The following ESR1 variants were observed in gnomAD, a reference collection of about 807,000 sequenced individuals.
ESR1 encodes estrogen receptor.
A neutral mutation model predicts 52.7 loss-of-function variants in ESR1; 12 were observed. That is an observed-to-expected ratio of 0.23 (90% CI 0.15 to 0.37). The LOEUF is 0.37. Ranked by LOEUF, ESR1 falls within the 10% of genes least tolerant of loss-of-function variation. The probability of loss-of-function intolerance (pLI) is 1.00; values close to 1 mark genes in which losing one functional copy is unlikely to be tolerated. For missense variants in ESR1, 584 were observed against 779.7 expected (o/e 0.75, Z 2.99); for synonymous variants, 305 against 316.8 (o/e 0.96, Z 0.39).
intron 2 of ESR1, among the ~76,000 whole-genome samples, chr6:151,765,368 ATTAAT>A (rs762988330): frequency 2.6e-5 from 4 of 152,244 alleles, no homozygotes; most frequent in Non-Finnish European, 4.4e-5. Context: ...AATCAATGAA[ATTAAT>A]TAAAATGAAA....
intron 1 of ESR1, among the ~76,000 whole-genome samples, chr6:151,701,402 G>A (rs561761385): frequency 7.9e-5 from 12 of 151,666 alleles, no homozygotes; most frequent in Admixed American, 2.0e-4. Context: ...GGTGGTGTGC[G>A]CCTGTAGTCC....
intron 1 of ESR1, among the ~76,000 whole-genome samples, chr6:151,666,166 T>C (rs1054768344): frequency 3.9e-5 from 6 of 152,180 alleles, no homozygotes; most frequent in Non-Finnish European, 5.9e-5. Context: ...AAAAGCTACA[T>C]TGGAAAAATT....
chr6:151,902,397 G>A (rs4870059), intron 3 of ESR1, among the ~76,000 whole-genome samples: 151,032 of 152,318 alleles, frequency 0.99, 74,885 homozygotes, highest in Middle Eastern at 1. Flanking sequence ...TCCTAGATCT[G>A]TTTCTCTCTC....
chr6:151,696,336 G>T (rs1285379552), intron 1 of ESR1, among the ~76,000 whole-genome samples: 3 of 152,082 alleles, frequency 2.0e-5, no homozygotes, highest in African/African-American at 7.2e-5. Flanking sequence ...GCCGGACATG[G>T]TGGTGCATGC....
intron 6 of ESR1, among the ~76,000 whole-genome samples, chr6:152,080,737 G>A (rs1428710627): frequency 6.6e-6 from 1 of 152,076 alleles, no homozygotes; most frequent in Non-Finnish European, 1.5e-5. Flanking sequence ...AGACTGTGCT[G>A]TATTCAGGAG....
In ESR1 at chr6:151,807,896, G is replaced by T; in HGVS notation, c.-17G>T. On this transcript the variant is annotated 5_prime_UTR_variant, in exon 1 of 8. Coordinates refer to ENST00000206249, the MANE Select transcript of ESR1 (RefSeq NM_000125.4). The stretch of plus-strand genomic sequence containing the variant: ...CCTGCGGGGACACGGTCTGCACCCT[G>T]CCCGCGGCCACGGACCATGACCATG... 1 of 1,611,298 alleles carries T rather than the reference G, an allele frequency of 6.2e-7. No homozygotes were observed. Among genetic ancestry groups the T allele is most frequent in the East Asian group, 2.2e-5 (1 of 44,746 alleles).
At position 151,876,483 on chromosome 6, in the gene ESR1, T is replaced by G. The variant is rs150746981; in HGVS notation, c.644-4172T>G. Among the ~76,000 whole-genome samples, 236 of 152,338 alleles carry G rather than the reference T, an allele frequency of 1.5e-3. 2 individuals carry two copies. The highest frequency in any genetic ancestry group is 5.5e-3 in the African/African-American group (227 of 41,578). On this transcript the variant is annotated intron_variant, in intron 2 of 7. Coordinates refer to ENST00000206249, the MANE Select transcript of ESR1 (RefSeq NM_000125.4). ...ACTGCTTGGCCTGTCTTTATATTCC[T>G]TTTGAATCTCTGCATATGTACGGGC...
At chr6:152,062,187 T>C (rs2047601015) in intron 6 of ESR1, among the ~76,000 whole-genome samples, 1 of 152,154 alleles carries the variant, frequency 6.6e-6, no homozygotes, top group Non-Finnish European at 1.5e-5. Flanking sequence ...TGAGTGCTGA[T>C]CCCTTCCCGC....
intron 2 of ESR1, among the ~76,000 whole-genome samples, chr6:151,791,826 A>G (rs189843746): frequency 2.0e-5 from 3 of 152,360 alleles, no homozygotes; most frequent in Admixed American, 6.5e-5. Context: ...GACCCCAAAC[A>G]ACAGGTAAAA....
At chr6:151,854,990 T>G (rs1328603863) in intron 2 of ESR1, among the ~76,000 whole-genome samples, 1 of 152,224 alleles carries the variant, frequency 6.6e-6, no homozygotes, top group African/African-American at 2.4e-5. Flanking sequence ...CTTGGCTCAT[T>G]GCAACCTCTG....
chr6:151,868,436 T>C (rs1790362999), intron 2 of ESR1, among the ~76,000 whole-genome samples: 1 of 152,166 alleles, frequency 6.6e-6, no homozygotes, highest in Non-Finnish European at 1.5e-5. Flanking sequence ...CCCCAATAGA[T>C]AGTTTTTCAG....
chr6:151,702,170 C>T (rs1240070349), intron 2 of ESR1, among the ~76,000 whole-genome samples: 1 of 152,122 alleles, frequency 6.6e-6, no homozygotes, highest in Non-Finnish European at 1.5e-5. Context: ...ATCTGATGGG[C>T]ACTCTACATG....
At chr6:151,675,331 T>C (rs577437327) in intron 1 of ESR1, among the ~76,000 whole-genome samples, 2 of 152,158 alleles carry the variant, frequency 1.3e-5, no homozygotes, top group Non-Finnish European at 2.9e-5. Context: ...AGGTCCAAAC[T>C]TATGTTCTTG....
chr6:152,000,003 T>C (rs1672070374), intron 4 of ESR1, among the ~76,000 whole-genome samples: 1 of 152,066 alleles, frequency 6.6e-6, no homozygotes, highest in Non-Finnish European at 1.5e-5. Flanking sequence ...AGGTGGTAAG[T>C]AGAGAATTTG....
chr6:151,692,613 C>T (rs2982570), intron 1 of ESR1, among the ~76,000 whole-genome samples: 61,574 of 151,972 alleles, frequency 0.41, 12,812 homozygotes, highest in Non-Finnish European at 0.43. Context: ...TGTTAATCTC[C>T]GAGAAAGAGG....
chr6:152,007,319 A>G (rs1343010643), intron 4 of ESR1, among the ~76,000 whole-genome samples: 4 of 151,994 alleles, frequency 2.6e-5, no homozygotes, highest in Non-Finnish European at 5.9e-5. Flanking sequence ...CAAAGTTAAC[A>G]CATCTTGGAG....
chr6:151,903,100 A>C (rs1380084862), intron 3 of ESR1, among the ~76,000 whole-genome samples: 1 of 152,176 alleles, frequency 6.6e-6, no homozygotes, highest in African/African-American at 2.4e-5. Flanking sequence ...TTGACGACAG[A>C]ATGTATTTTG....
chr6:152,043,538 G>A (rs1432889122), intron 5 of ESR1, among the ~76,000 whole-genome samples: 5 of 152,208 alleles, frequency 3.3e-5, no homozygotes, highest in Non-Finnish European at 7.3e-5. Context: ...ATAACTATAA[G>A]CAAACAGGGG....
chr6:151,702,320 T>C, intron 2 of ESR1, among the ~76,000 whole-genome samples: 1 of 152,228 alleles, frequency 6.6e-6, no homozygotes, highest in Non-Finnish European at 1.5e-5. Flanking sequence ...AATAGTCCAC[T>C]CTAAGTAGGG....
Sources: allele counts gnomAD v4.1 joint callset (sites outside exome capture counted in the v4.1 genomes callset), GRCh38; gene constraint gnomAD v4.1.1; transcripts MANE v1.5; gene names NCBI Gene and HGNC (gene_info 2026-07-23, HGNC 2026-07-21).